The following SLC3A1 variants were observed in gnomAD, a reference collection of about 807,000 sequenced individuals.
SLC3A1 encodes the protein solute carrier family 3 member 1.
A neutral mutation model predicts 60.3 loss-of-function variants in SLC3A1; 78 were observed. That is an observed-to-expected ratio of 1.29 (90% CI 1.08 to 1.56). The LOEUF is 1.56. Among genes scored for constraint, SLC3A1 ranks in the 40% most tolerant of loss-of-function variants. The pLI is 0.00. For synonymous variants in SLC3A1, 392 were observed against 307.9 expected (o/e 1.27, Z -2.86); for missense variants, 1,172 against 858.9 (o/e 1.36, Z -4.56).
Position 44,275,755 on chromosome 2 carries a change from T to C in SLC3A1, c.220T>C (p.Phe74Leu), listed in dbSNP as rs369557826. ...TGCGGGGATGCCCAAGGAGGTGCTG[T>C]TCCAGTTCTCTGGCCAGGCCCGCTA... ...PYAGMPKEVL[F>L]QFSGQARYRI... Residue 74 changes from phenylalanine to leucine, a missense_variant, in exon 1 of 10, where the codon TTC becomes CTC. Transcript: ENST00000260649. The C allele has an allele frequency of 3.1e-6, 5 of 1,614,142 alleles. No individual in the cohort carries two copies. The highest frequency in any genetic ancestry group is 4.2e-6 in the Non-Finnish European group (5 of 1,180,050).
At chr2:44,280,533 C>T (rs545959734) in intron 1 of SLC3A1, among the ~76,000 whole-genome samples, 183 bp from the exon 2 acceptor site, 30 of 152,226 alleles carry the variant, frequency 2.0e-4, no homozygotes, top group African/African-American at 2.9e-4. Flanking sequence ...CCACTACACC[C>T]GACCTAATTT....
chr2:44,277,618 T>C (rs544804816), intron 1 of SLC3A1, among the ~76,000 whole-genome samples: 1 of 152,298 alleles, frequency 6.6e-6, no homozygotes, highest in Non-Finnish European at 1.5e-5. Flanking sequence ...TTCCCCTGAC[T>C]CATGACCTAT....
chr2:44,292,291 T>C (rs1461840781), intron 4 of SLC3A1, among the ~76,000 whole-genome samples: 1 of 152,194 alleles, frequency 6.6e-6, no homozygotes, highest in Non-Finnish European at 1.5e-5. Context: ...AGCATGATAC[T>C]GCTGGAGGCA....
intron 6 of SLC3A1, among the ~76,000 whole-genome samples, chr2:44,303,209 A>G (rs1165533767): frequency 6.6e-6 from 1 of 151,348 alleles, no homozygotes; most frequent in African/African-American, 2.4e-5. Context: ...CTCAAGAAAC[A>G]ATAACAAAAA....
intron 4 of SLC3A1, among the ~76,000 whole-genome samples, chr2:44,293,959 T>TG (rs11381826): frequency 0.82 from 124,942 of 152,020 alleles, 52,283 homozygotes; most frequent in African/African-American, 0.88. Context: ...TAGGATGCTA[T>TG]TTTTTTTACT....
intron 9 of SLC3A1, chr2:44,319,434 AAATG>A (rs1250548791): frequency 6.6e-6 from 1 of 152,522 alleles, no homozygotes; most frequent in Non-Finnish European, 1.5e-5. Flanking sequence ...ACTATCGTCA[AAATG>A]AAAGGGCATG....
At chr2:44,286,212 T>G (rs1418556099) in intron 4 of SLC3A1, 55 bp downstream of exon 4, 56 of 1,525,742 alleles carry the variant, frequency 3.7e-5, no homozygotes, top group Non-Finnish European at 4.5e-5. Flanking sequence ...AGGTATTTAT[T>G]TAAAACACTT....
intron 1 of SLC3A1, among the ~76,000 whole-genome samples, chr2:44,280,468 A>G (rs947317886): frequency 2.2e-4 from 34 of 151,804 alleles, no homozygotes; most frequent in African/African-American, 8.2e-4. Context: ...CGAGCTCTTG[A>G]CCTTAGGTAT....
chr2:44,300,940 A>AGAGC, intron 5 of SLC3A1, 63 bp from the exon 6 acceptor site: 1 of 1,607,112 alleles, frequency 6.2e-7, no homozygotes, highest in African/African-American at 1.3e-5. Flanking sequence ...ACATTCATAT[A>AGAGC]GAGCGAGCTG....
At chr2:44,303,976 A>G in intron 6 of SLC3A1, 167 bp from the exon 7 acceptor site, 1 of 696,918 alleles carries the variant, frequency 1.4e-6, no homozygotes, top group South Asian at 1.5e-5. Context: ...AATCCAGTCT[A>G]ACATTTGGTG....
At chr2:44,307,875 T>C (rs1012696154) in intron 7 of SLC3A1, among the ~76,000 whole-genome samples, 15 of 152,210 alleles carry the variant, frequency 9.9e-5, no homozygotes, top group African/African-American at 3.1e-4. Context: ...CTTGTACTTT[T>C]AGTGTTATAT....
intron 4 of SLC3A1, among the ~76,000 whole-genome samples, chr2:44,294,042 G>C (rs1671795691): frequency 6.6e-6 from 1 of 152,152 alleles, no homozygotes; most frequent in Non-Finnish European, 1.5e-5. Context: ...AATGTCGAGA[G>C]GGTGTAAGAT....
chr2:44,321,438 G>C lies in SLC3A1; in HGVS notation c.*799G>C. On this transcript the variant is annotated 3_prime_UTR_variant, in exon 10 of 10. Coordinates refer to ENST00000260649, the MANE Select transcript of SLC3A1 (RefSeq NM_000341.4). ...TTCCTCGTACAGGAATTTAATTTGGGCTGTAATCTAAAAGAAACACATTAA... is the reference window on the plus strand; with the variant it reads ...TTCCTCGTACAGGAATTTAATTTGGCCTGTAATCTAAAAGAAACACATTAA... The C allele has an allele frequency of 6.2e-7, 1 of 1,611,968 alleles. No individual in the cohort carries two copies. The highest frequency in any genetic ancestry group is 8.5e-7 in the Non-Finnish European group (1 of 1,178,410).
intron 9 of SLC3A1, chr2:44,318,323 C>G: frequency 4.8e-6 from 1 of 208,198 alleles, no homozygotes; most frequent in Non-Finnish European, 1.0e-5. Context: ...AACTCCTGAC[C>G]TCTGGTGATC....
intron 9 of SLC3A1, chr2:44,316,368 C>T (rs1442673575): frequency 6.6e-6 from 1 of 152,136 alleles, no homozygotes; most frequent in Non-Finnish European, 1.5e-5. Context: ...AAAAGACTGT[C>T]AAACAATGAA....
chr2:44,309,938 C>T (rs1247520834), intron 7 of SLC3A1, among the ~76,000 whole-genome samples: 2 of 151,592 alleles, frequency 1.3e-5, no homozygotes, highest in African/African-American at 4.9e-5. Flanking sequence ...ATCACCTAGG[C>T]TGGAGCACTG....
At chr2:44,298,879 A>G (rs1425719063) in intron 4 of SLC3A1, among the ~76,000 whole-genome samples, 1 of 152,176 alleles carries the variant, frequency 6.6e-6, no homozygotes, top group Non-Finnish European at 1.5e-5. Context: ...GGGCAGTCAT[A>G]CAATAATTGG....
At chr2:44,292,116 G>T (rs1252702625) in intron 4 of SLC3A1, among the ~76,000 whole-genome samples, 1 of 152,204 alleles carries the variant, frequency 6.6e-6, no homozygotes, top group East Asian at 1.9e-4. Flanking sequence ...CGGGTTAGCA[G>T]CATGGCAAGG....
intron 9 of SLC3A1, among the ~76,000 whole-genome samples, chr2:44,315,957 GC>G (rs1263200141): frequency 6.6e-6 from 1 of 152,152 alleles, no homozygotes; most frequent in Non-Finnish European, 1.5e-5. Context: ...AGAAAGGAGA[GC>G]TTTTACTACT....
Sources: gnomAD v4.1 joint callset for allele counts (sites outside exome capture counted in the v4.1 genomes callset) on GRCh38, gnomAD v4.1.1 for gene constraint, MANE v1.5 for transcripts, NCBI Gene and HGNC (gene_info 2026-07-23, HGNC 2026-07-21) for gene names.